Variants in NKAIN4 observed in about 807,000 individuals in gnomAD.
NKAIN4 encodes the protein sodium/potassium-transporting ATPase subunit beta-1-interacting protein 4.
In NKAIN4, 28 loss-of-function variants were observed where a neutral mutation model predicts 28.8. The observed-to-expected ratio is 0.97, with a 90% CI of 0.72 to 1.33. The LOEUF is 1.33. Ranked by LOEUF, NKAIN4 falls within the 40% of genes most tolerant of loss-of-function variation. The pLI, the probability that NKAIN4 is intolerant of heterozygous loss-of-function variation, is 0.00. For synonymous variants in NKAIN4, 122 were observed against 115.6 expected (o/e 1.06, Z -0.36); for missense variants, 289 against 277.2 (o/e 1.04, Z -0.30).
At chr20:63,254,376 C>G in intron 1 of NKAIN4, 21 bp downstream of exon 1, 3 of 1,444,148 alleles carry the variant, frequency 2.1e-6, no homozygotes, top group Non-Finnish European at 2.7e-6. Context: ...CCAGGAGGCT[C>G]GCGGAGGGGT....
rs941748018 is a variant in NKAIN4 at position 63,245,959 on chromosome 20, G to T, written c.471+1619C>A. Among the ~76,000 whole-genome samples the T allele has an allele frequency of 1.7e-4, 25 of 146,556 alleles. No homozygotes were observed. In the East Asian group the frequency reaches 2.4e-3, roughly 14 times the overall value. ...TTTTTTTTTTTTGAGACAGAGTCTCGCTCTGTCACCCAGGCTGGAGTGCAG... is the reference window on the plus strand; with the variant it reads ...TTTTTTTTTTTTGAGACAGAGTCTCTCTCTGTCACCCAGGCTGGAGTGCAG... On this transcript the variant is annotated intron_variant, in intron 4 of 6. Transcript: ENST00000370316. This position sits in a 1 kb window ranked among gnomAD's most constrained non-coding sequence, Gnocchi z 4.7.
Sources: allele counts gnomAD v4.1 joint callset (sites outside exome capture counted in the v4.1 genomes callset), GRCh38; gene constraint gnomAD v4.1.1; non-coding constraint Gnocchi (gnomAD v3.1); transcripts MANE v1.5; gene names NCBI Gene and HGNC (gene_info 2026-07-23, HGNC 2026-07-21).